ACTR5: variants seen among roughly 807,000 people sequenced by gnomAD.
The protein encoded by ACTR5 is actin related protein 5.
ACTR5 carries 43 observed loss-of-function variants against 61.2 expected under a neutral mutation model. The observed-to-expected ratio is 0.70, with a 90% confidence interval of 0.55 to 0.91. The LOEUF (loss-of-function observed/expected upper bound fraction) is 0.91. ACTR5 is among the 40% of genes least tolerant of loss of function. ACTR5 has a pLI of 0.00. For synonymous variants in ACTR5, 333 were observed against 310.5 expected, an observed-to-expected ratio of 1.07 and a Z score of -0.76; for missense variants, 798 against 782.2, an observed-to-expected ratio of 1.02 and a Z score of -0.24.
chr20:38,751,142 CAA>C (rs11471017), intron 2 of ACTR5, among the ~76,000 whole-genome samples: 25,906 of 152,156 alleles, frequency 0.17, 2,147 homozygotes, highest in Admixed American at 0.19. Context: ...CACATTGGCA[CAA>C]AGAGACCCAC....
chr20:38,750,330 G>C, intron 2 of ACTR5, 91 bp downstream of exon 2: 1 of 1,088,298 alleles, frequency 9.2e-7, no homozygotes, highest in Non-Finnish European at 1.3e-6. Flanking sequence ...AGTAGAAAGA[G>C]CAAGTACTAG....
At position 38,752,240 on chromosome 20, in the gene ACTR5, C is replaced by T; in HGVS notation, c.715C>T (p.Leu239Phe). 6.2e-7 allele frequency: 1 copy of T among 1,614,126 alleles called. No homozygotes were observed. The highest frequency in any genetic ancestry group is 8.5e-7 in the Non-Finnish European group (1 of 1,179,946). ...KYPGHLAAIT[L>F]SRMEEILHEH... ...CCCTGGGCACCTGGCAGCCATCACC[C>T]TCAGCCGCATGGAGGAGATTCTGCA... is the stretch of plus-strand genomic sequence containing the variant. The change falls in exon 3 of 9, where the codon CTC becomes TTC. Residue 239 changes from leucine to phenylalanine, a missense_variant. Physicochemically the swap from Leu to Phe is conservative, Grantham distance 22. Transcript: ENST00000243903.
At chr20:38,755,732 G>A (rs2084416368) in intron 4 of ACTR5, 125 bp from the exon 5 acceptor site, 3 of 899,312 alleles carry the variant, frequency 3.3e-6, no homozygotes, top group African/African-American at 1.7e-5. Flanking sequence ...GAAACTGGAG[G>A]CAGCTGGAGG....
At chr20:38,756,575 C>G (rs557647441) in intron 5 of ACTR5, among the ~76,000 whole-genome samples, 4 of 152,308 alleles carry the variant, frequency 2.6e-5, no homozygotes, top group African/African-American at 9.6e-5. Flanking sequence ...TTCTCTTCTT[C>G]TTCTTCTTCT....
At chr20:38,752,461 G>A (rs191568832) in intron 3 of ACTR5, among the ~76,000 whole-genome samples, 161 bp downstream of exon 3, 28 of 152,204 alleles carry the variant, frequency 1.8e-4, no homozygotes, top group African/African-American at 6.3e-4. Context: ...AACTTATGTT[G>A]TATAGGTTCC....
intron 1 of ACTR5, among the ~76,000 whole-genome samples, chr20:38,749,270 A>AT (rs2084372070): frequency 6.6e-6 from 1 of 152,138 alleles, no homozygotes; most frequent in Admixed American, 6.5e-5. Context: ...AGGGAGTTAC[A>AT]TTTTTTCAGT....
chr20:38,756,055 G>A lies in ACTR5; in HGVS notation c.1176+16G>A. ...CAAGCCAGAGGTAACTTAGGGCCTTGGAAGGAGCAGCCCTTCTTGAGGGGA... is the reference window on the plus strand; with the variant it reads ...CAAGCCAGAGGTAACTTAGGGCCTTAGAAGGAGCAGCCCTTCTTGAGGGGA... On this transcript the variant is annotated intron_variant, in intron 5 of 8. Transcript: ENST00000243903. The A allele has an allele frequency of 6.2e-7, 1 of 1,603,798 alleles. No individual in the cohort carries two copies. Among genetic ancestry groups the A allele is most frequent in the East Asian group, 2.2e-5 (1 of 44,828 alleles).
At chr20:38,768,925 C>T (rs947500894) in intron 8 of ACTR5, among the ~76,000 whole-genome samples, 1 of 152,180 alleles carries the variant, frequency 6.6e-6, no homozygotes, top group African/African-American at 2.4e-5. Flanking sequence ...ATATATTTGA[C>T]ACTGTTGTGC....
intron 5 of ACTR5, among the ~76,000 whole-genome samples, chr20:38,763,437 C>G (rs1222275372): frequency 6.6e-6 from 1 of 152,204 alleles, no homozygotes; most frequent in Non-Finnish European, 1.5e-5. Context: ...ACAGAGGAGC[C>G]TGTCATTGCC....
rs868419407 is a variant in ACTR5 at position 38,770,135 on chromosome 20, C to T, written c.1567-1424C>T. On this transcript the variant is annotated intron_variant, in intron 8 of 8. Transcript: ENST00000243903. ...CCCCCTCCCCTCCTGTTTCTGCCCC[C>T]TTTCACATTGCTAATGTAATGAGTG... Among the ~76,000 whole-genome samples, 12 of 152,130 alleles carry T rather than the reference C, an allele frequency of 7.9e-5. No individual in the cohort carries two copies. The Middle Eastern group carries it at 0.01, about 129-fold the overall frequency.
intron 5 of ACTR5, among the ~76,000 whole-genome samples, chr20:38,756,631 G>A (rs915056888): frequency 1.3e-5 from 2 of 152,214 alleles, no homozygotes; most frequent in African/African-American, 4.8e-5. Context: ...GAGGCCGGGC[G>A]TGCTGGCTCA....
Position 38,748,882 on chromosome 20 carries a change from T to C in ACTR5, c.375+29T>C, listed in dbSNP as rs1601191401. ...AAGGGCGGAGTAGGCTGGGCTGGGC[T>C]GGGTTTGAGGGGAGGGGTGCGGTCT... is the stretch of plus-strand genomic sequence containing the variant. On this transcript the variant is annotated intron_variant, in intron 1 of 8. Coordinates refer to ENST00000243903, the MANE Select transcript of ACTR5 (RefSeq NM_024855.4). 1.9e-6 allele frequency: 3 copies of C among 1,584,558 alleles called. No individual in the cohort carries two copies. The African/African-American group carries it at 4.1e-5, about 22-fold the overall frequency.
intron 6 of ACTR5, among the ~76,000 whole-genome samples, chr20:38,765,819 G>A (rs1474937759): frequency 6.6e-6 from 1 of 152,192 alleles, no homozygotes; most frequent in Admixed American, 6.5e-5. Flanking sequence ...GCCAATGCCA[G>A]TACACATAAT....
At chr20:38,748,961 T>A in intron 1 of ACTR5, 108 bp downstream of exon 1, 1 of 1,382,778 alleles carries the variant, frequency 7.2e-7, no homozygotes, top group Non-Finnish European at 9.6e-7. Context: ...GTAGCTCCGA[T>A]TGTCTTTTAG....
At position 38,772,170 on chromosome 20, in the gene ACTR5, A is replaced by T; in HGVS notation, c.*354A>T. On this transcript the variant is annotated 3_prime_UTR_variant, in exon 9 of 9. Transcript: ENST00000243903. ...ACCACATTTTAGTCTTTCTTGTTTT[A>T]AAAAAAATTCTTTAAAATTTATCTT... 1 of 233,732 alleles carries T rather than the reference A, an allele frequency of 4.3e-6. No homozygotes were observed. The highest frequency in any genetic ancestry group is 8.4e-6 in the Non-Finnish European group (1 of 118,764). 14.5% of individuals were successfully genotyped at this position (233,732 alleles called of 1,614,324 possible).
chr20:38,766,099 A>C, intron 6 of ACTR5, 139 bp from the exon 7 acceptor site: 1 of 904,724 alleles, frequency 1.1e-6, no homozygotes, highest in Non-Finnish European at 1.7e-6. Flanking sequence ...TTAGCAGGTC[A>C]AGAGAGTTGG....
intron 5 of ACTR5, among the ~76,000 whole-genome samples, chr20:38,763,687 C>T (rs1392831847): frequency 1.3e-5 from 2 of 152,236 alleles, no homozygotes; most frequent in Non-Finnish European, 2.9e-5. Flanking sequence ...CTTCACCTCT[C>T]TGAGCCATAG....
At chr20:38,756,554 G>A (rs1189433554) in intron 5 of ACTR5, among the ~76,000 whole-genome samples, 1 of 152,192 alleles carries the variant, frequency 6.6e-6, no homozygotes, top group East Asian at 1.9e-4. Context: ...CTTTGCATAA[G>A]CTCTTTGATT....
chr20:38,753,460 C>T (rs1388545911), intron 3 of ACTR5, among the ~76,000 whole-genome samples: 2 of 151,442 alleles, frequency 1.3e-5, no homozygotes, highest in African/African-American at 2.4e-5. Flanking sequence ...AAGGTACATA[C>T]TATTTGATTC....
Sources: gnomAD v4.1 joint callset for allele counts (sites outside exome capture counted in the v4.1 genomes callset) on GRCh38, gnomAD v4.1.1 for gene constraint, MANE v1.5 for transcripts, NCBI Gene and HGNC (gene_info 2026-07-23, HGNC 2026-07-21) for gene names.